The following PCDH15 variants were observed in gnomAD, a reference collection of about 807,000 sequenced individuals.
The protein encoded by PCDH15 is protocadherin-15.
A neutral mutation model predicts 178.5 loss-of-function variants in PCDH15; 129 were observed. That is an observed-to-expected ratio of 0.72 (90% CI 0.63 to 0.84). The LOEUF (loss-of-function observed/expected upper bound fraction) is 0.84, where lower values mean the gene tolerates loss of function less well. PCDH15 is among the 40% of genes least tolerant of loss of function. PCDH15 has a pLI of 0.00. For synonymous variants in PCDH15, 800 were observed against 732.0 expected, an observed-to-expected ratio of 1.09 and a Z score of -1.50; for missense variants, 2,230 against 2,099.9, an observed-to-expected ratio of 1.06 and a Z score of -1.21.
chr10:54,522,195 A>C lies in PCDH15; in HGVS notation c.157+5617T>G, dbSNP rs115187929. 2.3e-3 allele frequency among the ~76,000 whole-genome samples: 345 copies of C among 151,790 alleles called. 4 individuals carry two copies. Among genetic ancestry groups the C allele is most frequent in the African/African-American group, 7.3e-3 (301 of 41,382 alleles). On this transcript the variant is annotated intron_variant, in intron 3 of 37. Transcript: ENST00000644397. Reference sequence around the variant, plus strand: ...TTAATTATGCGCTGCTATGACATTGAGTGATGAAAAAAGAATTATTCTTTG... The same window carrying C: ...TTAATTATGCGCTGCTATGACATTGCGTGATGAAAAAAGAATTATTCTTTG...
intron 2 of PCDH15, 109 bp downstream of exon 2, chr10:54,664,063 C>A: frequency 1.2e-6 from 1 of 856,728 alleles, no homozygotes; most frequent in Non-Finnish European, 1.9e-6. Flanking sequence ...GAGATACTAA[C>A]CTTTCAATCA....
At chr10:55,132,719 T>C (rs1427441562) in intron 2 of PCDH15, among the ~76,000 whole-genome samples, 1 of 152,206 alleles carries the variant, frequency 6.6e-6, no homozygotes, top group Non-Finnish European at 1.5e-5. Context: ...TCCATTCAAA[T>C]AATTCCTATA....
intron 14 of PCDH15, among the ~76,000 whole-genome samples, chr10:54,145,785 T>C (rs2043848309): frequency 6.6e-6 from 1 of 152,084 alleles, no homozygotes; most frequent in South Asian, 2.1e-4. Context: ...GCTATATCTG[T>C]TGATATAAAC....
intron 2 of PCDH15, among the ~76,000 whole-genome samples, chr10:55,357,714 T>G (rs915896171): frequency 1.3e-5 from 2 of 151,954 alleles, no homozygotes; most frequent in African/African-American, 4.8e-5. Context: ...GGTTGACCAG[T>G]CACACATTAA....
intron 2 of PCDH15, among the ~76,000 whole-genome samples, chr10:54,912,700 T>C (rs1179013720): frequency 3.3e-5 from 5 of 152,112 alleles, no homozygotes; most frequent in African/African-American, 1.2e-4. Context: ...AATATGAAAG[T>C]GACTTTGGAA....
intron 1 of PCDH15, among the ~76,000 whole-genome samples, chr10:54,744,177 C>T (rs1328003468): frequency 1.3e-5 from 2 of 152,078 alleles, no homozygotes; most frequent in East Asian, 3.9e-4. Flanking sequence ...TAGGAATAAC[C>T]ATGGAGGAAC....
chr10:54,568,576 G>A (rs2089358543), intron 2 of PCDH15: 1 of 151,936 alleles, frequency 6.6e-6, no homozygotes, highest in Non-Finnish European at 1.5e-5. Flanking sequence ...TTTGATGAAT[G>A]GCTACACCAG....
chr10:54,294,370 G>A (rs1482945950), intron 8 of PCDH15, among the ~76,000 whole-genome samples: 1 of 152,114 alleles, frequency 6.6e-6, no homozygotes, highest in Non-Finnish European at 1.5e-5. Context: ...TGTAAATGAC[G>A]AGTTAATGGG....
intron 2 of PCDH15, among the ~76,000 whole-genome samples, chr10:55,038,285 C>T: frequency 6.6e-6 from 1 of 152,048 alleles, no homozygotes; most frequent in East Asian, 1.9e-4. Flanking sequence ...CTTTTATTTT[C>T]TCCAAGAGTA....
At chr10:55,227,219 C>T (rs984664693) in intron 1 of PCDH15, among the ~76,000 whole-genome samples, 1 of 151,898 alleles carries the variant, frequency 6.6e-6, no homozygotes, top group Non-Finnish European at 1.5e-5. Flanking sequence ...TCAGCCTTCT[C>T]GACAAAAAAA....
chr10:54,400,521 A>T (rs1430293495), intron 3 of PCDH15, among the ~76,000 whole-genome samples: 1 of 152,044 alleles, frequency 6.6e-6, no homozygotes, highest in East Asian at 1.9e-4. Flanking sequence ...TGGTTATAAA[A>T]GTCATCTGTC....
intron 2 of PCDH15, among the ~76,000 whole-genome samples, chr10:55,103,397 A>C (rs1303405127): frequency 6.6e-6 from 1 of 152,132 alleles, no homozygotes; most frequent in Non-Finnish European, 1.5e-5. Flanking sequence ...GGTATCTGTT[A>C]GCTCTTGAAT....
chr10:54,799,566 G>A (rs917352366), intron 1 of PCDH15, among the ~76,000 whole-genome samples: 2 of 152,062 alleles, frequency 1.3e-5, no homozygotes, highest in Non-Finnish European at 2.9e-5. Flanking sequence ...ACCTGTTCAG[G>A]TCACTTAATG....
chr10:54,557,239 T>C (rs1232513276), intron 2 of PCDH15, among the ~76,000 whole-genome samples: 3 of 152,146 alleles, frequency 2.0e-5, no homozygotes, highest in African/African-American at 7.2e-5. Context: ...ACAAGGAAGG[T>C]ATTTTGGACA....
chr10:55,403,439 A>G (rs188741675), intron 2 of PCDH15, among the ~76,000 whole-genome samples: 2 of 151,894 alleles, frequency 1.3e-5, no homozygotes, highest in Admixed American at 1.3e-4. Context: ...TGGCCATAAA[A>G]TCTTTGCACA....
rs200185659 is a variant in PCDH15, at chr10:54,095,773, G to A, written c.1918-5710C>T. ...TAATAGGAAAAATACCTAGACTTCC[G>A]TTAGATTTAGGGATACTCTATGAAG... On this transcript the variant is annotated intron_variant, in intron 15 of 37. Transcript: ENST00000644397. 7.9e-5 allele frequency among the ~76,000 whole-genome samples: 12 copies of A among 152,162 alleles called. No homozygotes were observed. The East Asian group carries it at 1.5e-3, about 20-fold the overall frequency.
At chr10:55,295,995 AC>A (rs1843122057) in intron 1 of PCDH15, among the ~76,000 whole-genome samples, 1 of 152,010 alleles carries the variant, frequency 6.6e-6, no homozygotes, top group Non-Finnish European at 1.5e-5. Flanking sequence ...GGTTCCCACA[AC>A]CCTCTTCTTA....
rs1165360155 is a variant in PCDH15, at chr10:54,958,835, A to G, written c.-79-61335T>C. ...GCAAAACTTCTAGATAATTTTCATA[A>G]AAGAAAAGACATCCCCAACATGCAT... On this transcript the variant is annotated intron_variant, in intron 2 of 5. Coordinates refer to the PCDH15 transcript ENST00000458638. 2.6e-5 allele frequency among the ~76,000 whole-genome samples: 4 copies of G among 151,856 alleles called. No homozygotes were observed. In the South Asian group the frequency reaches 6.2e-4, roughly 24 times the overall value.
At chr10:54,404,730 GA>G (rs754144861) in intron 3 of PCDH15, among the ~76,000 whole-genome samples, 5 of 151,392 alleles carry the variant, frequency 3.3e-5, no homozygotes, top group Non-Finnish European at 7.4e-5. Context: ...CAGAATGGGA[GA>G]AAATTCTTAC....
Sources: gnomAD v4.1 joint callset for allele counts (sites outside exome capture counted in the v4.1 genomes callset) on GRCh38, gnomAD v4.1.1 for gene constraint, MANE v1.5 for transcripts, NCBI Gene and HGNC (gene_info 2026-07-23, HGNC 2026-07-21) for gene names.